The following KLF12 variants were observed in gnomAD, a reference collection of about 807,000 sequenced individuals.
KLF12 encodes the protein Krueppel-like factor 12.
KLF12 carries 9 observed loss-of-function variants against 37.8 expected under a neutral mutation model. The ratio of observed to expected loss-of-function variants is 0.24; its 90% CI spans 0.14 to 0.42. The LOEUF (loss-of-function observed/expected upper bound fraction) is 0.42, where lower values mean the gene tolerates loss of function less well. Ranked by LOEUF, KLF12 falls within the 10% of genes least tolerant of loss-of-function variation. The pLI, the probability that KLF12 is intolerant of heterozygous loss-of-function variation, is 1.00. For missense variants in KLF12, 411 were observed against 516.0 expected (o/e 0.80, Z 1.97); for synonymous variants, 208 against 202.1 (o/e 1.03, Z -0.25).
chr13:73,713,269 G>A (rs1369974629), intron 7 of KLF12, among the ~76,000 whole-genome samples: 1 of 152,156 alleles, frequency 6.6e-6, no homozygotes, highest in East Asian at 1.9e-4. Context: ...AGCACCGTAA[G>A]AGGCTACTGG....
intron 6 of KLF12, among the ~76,000 whole-genome samples, chr13:73,739,223 G>A (rs1877763619): frequency 1.4e-5 from 2 of 141,320 alleles, no homozygotes; most frequent in South Asian, 4.8e-4. Context: ...GACAGAGTGA[G>A]ACTCTGTCTC....
chr13:74,234,946 C>CTA, the KLF12 span, among the ~76,000 whole-genome samples: 5 of 151,966 alleles, frequency 3.3e-5, no homozygotes, highest in African/African-American at 9.7e-5. Context: ...AGTACTCACT[C>CTA]TCTATCTACC....
At chr13:73,821,419 C>A (rs75995405) in intron 4 of KLF12, among the ~76,000 whole-genome samples, 1 of 152,332 alleles carries the variant, frequency 6.6e-6, no homozygotes, top group East Asian at 1.9e-4. Flanking sequence ...TATTCTTTCT[C>A]CTGGTTTCTG....
chr13:73,963,732 A>G (rs1891094083), intron 2 of KLF12, among the ~76,000 whole-genome samples: 1 of 152,230 alleles, frequency 6.6e-6, no homozygotes, highest in African/African-American at 2.4e-5. Flanking sequence ...GAAAATCTTA[A>G]TATTTTGACA....
At chr13:73,726,253 CTTAATA>C (rs576542484) in intron 6 of KLF12, among the ~76,000 whole-genome samples, 235 of 152,314 alleles carry the variant, frequency 1.5e-3, no homozygotes, top group African/African-American at 4.3e-3. Flanking sequence ...CCCAGCACTT[CTTAATA>C]TTATGTTCCT....
At chr13:73,826,556 G>A (rs551998861) in intron 4 of KLF12, among the ~76,000 whole-genome samples, 1 of 151,972 alleles carries the variant, frequency 6.6e-6, no homozygotes, top group African/African-American at 2.4e-5. Flanking sequence ...ACATTTCGTG[G>A]TATTTCTTTT....
intron 6 of KLF12, among the ~76,000 whole-genome samples, chr13:73,754,892 T>TA (rs1879034505): frequency 6.6e-6 from 1 of 152,218 alleles, no homozygotes; most frequent in Non-Finnish European, 1.5e-5. Context: ...TACCAACTTT[T>TA]ACCTCTAGGT....
intron 3 of KLF12, among the ~76,000 whole-genome samples, chr13:73,863,443 C>A (rs1375473683): frequency 6.6e-6 from 1 of 151,676 alleles, no homozygotes; most frequent in Non-Finnish European, 1.5e-5. Context: ...TACAACAGTG[C>A]TAATATTAGC....
chr13:74,056,486 T>G (rs966711590), intron 1 of KLF12, among the ~76,000 whole-genome samples: 2 of 152,238 alleles, frequency 1.3e-5, no homozygotes, highest in Non-Finnish European at 2.9e-5. Flanking sequence ...GCACTAGGTG[T>G]AAAATTATGC....
chr13:73,794,965 C>T (rs534915413), intron 5 of KLF12, among the ~76,000 whole-genome samples: 4 of 152,252 alleles, frequency 2.6e-5, no homozygotes, highest in South Asian at 2.1e-4. Context: ...GGAGTACAGA[C>T]GCGTCTTTGT....
At chr13:73,727,909 C>T (rs1433985594) in intron 6 of KLF12, among the ~76,000 whole-genome samples, 2 of 152,218 alleles carry the variant, frequency 1.3e-5, no homozygotes, top group East Asian at 3.9e-4. Context: ...GTTGGCCAGG[C>T]TGGTTTCGTA....
intron 1 of KLF12, among the ~76,000 whole-genome samples, chr13:74,130,581 C>T (rs998922892): frequency 4.7e-5 from 7 of 150,226 alleles, no homozygotes; most frequent in Non-Finnish European, 1.0e-4. Context: ...CCCTTGAGCC[C>T]GGGAATTTGA....
intron 3 of KLF12, among the ~76,000 whole-genome samples, chr13:73,882,194 C>T (rs1435827215): frequency 6.6e-6 from 1 of 152,146 alleles, no homozygotes; most frequent in African/African-American, 2.4e-5. Context: ...ATGGCTGGCA[C>T]TTGAAATACT....
rs1314345322 is a variant in KLF12 at position 73,932,027 on chromosome 13, TA to T, written c.123+11953del. On this transcript the variant is annotated intron_variant, in intron 3 of 7. Transcript: ENST00000377669. ...TAAAAATAAAGTGTGTAACCACAGT[TA>T]AAAAAAAAAAGAAAAGAAATTCCTT... 2.5e-3 allele frequency among the ~76,000 whole-genome samples: 363 copies of T among 142,940 alleles called. 3 individuals are homozygous for T. The highest frequency in any genetic ancestry group is 1.8e-3 in the Admixed American group (26 of 14,342). The allele number at this position is 142,940 out of a possible 152,430, so 93.8% of individuals were successfully genotyped here.
At chr13:74,049,632 T>C (rs1872780425) in intron 1 of KLF12, among the ~76,000 whole-genome samples, 1 of 152,116 alleles carries the variant, frequency 6.6e-6, no homozygotes, top group African/African-American at 2.4e-5. Flanking sequence ...ACAATGATGA[T>C]GTGGTCTTTC....
intron 2 of KLF12, among the ~76,000 whole-genome samples, chr13:73,969,752 A>T (rs1194069193): frequency 6.6e-6 from 1 of 152,192 alleles, no homozygotes; most frequent in East Asian, 1.9e-4. Context: ...ACATACATGG[A>T]AGAAGTAGTA....
At chr13:73,944,595 C>T (rs971451222) in intron 2 of KLF12, among the ~76,000 whole-genome samples, 1 of 152,172 alleles carries the variant, frequency 6.6e-6, no homozygotes, top group Non-Finnish European at 1.5e-5. Flanking sequence ...TACCTATCAA[C>T]CTCCAAATAT....
At chr13:74,144,504 A>T in the KLF12 span, among the ~76,000 whole-genome samples, 1 of 152,288 alleles carries the variant, frequency 6.6e-6, no homozygotes, top group African/African-American at 2.4e-5. Context: ...ACATTTTTGT[A>T]TTTCTTTCAC....
chr13:73,736,560 G>A (rs1187634336), intron 6 of KLF12, among the ~76,000 whole-genome samples: 3 of 152,218 alleles, frequency 2.0e-5, no homozygotes, highest in Admixed American at 6.5e-5. Flanking sequence ...ATATGTGTCT[G>A]CATATTAAAG....
Sources: allele counts gnomAD v4.1 joint callset (sites outside exome capture counted in the v4.1 genomes callset), GRCh38; gene constraint gnomAD v4.1.1; transcripts MANE v1.5; gene names NCBI Gene and HGNC (gene_info 2026-07-23, HGNC 2026-07-21).